The following ARMC2 variants were observed in gnomAD, a reference collection of about 807,000 sequenced individuals.
ARMC2 encodes the protein armadillo repeat containing 2.
A neutral mutation model predicts 90.3 loss-of-function variants in ARMC2; 67 were observed. The observed-to-expected ratio is 0.74, with a 90% confidence interval of 0.61 to 0.91. The LOEUF is 0.91. Ranked by LOEUF, ARMC2 falls within the 40% of genes least tolerant of loss-of-function variation. The probability of loss-of-function intolerance (pLI) is 0.00; values close to 1 mark genes in which losing one functional copy is unlikely to be tolerated. For missense variants in ARMC2, 920 were observed against 1,030.9 expected, an observed-to-expected ratio of 0.89 and a Z score of 1.47; for synonymous variants, 393 against 393.0, an observed-to-expected ratio of 1.00 and a Z score of 0.00.
chr6:108,861,435 C>T (rs1446959449), intron 3 of ARMC2, among the ~76,000 whole-genome samples: 1 of 152,162 alleles, frequency 6.6e-6, no homozygotes. Context: ...AACCATGATA[C>T]CATCATCATA....
chr6:109,007,784 A>AC, the ARMC2 span, among the ~76,000 whole-genome samples: 1 of 129,816 alleles, frequency 7.7e-6, no homozygotes, highest in African/African-American at 3.2e-5. Context: ...AAGTCCAGGT[A>AC]CTTTTTTTTT....
intron 8 of ARMC2, among the ~76,000 whole-genome samples, 153 bp from the exon 9 acceptor site, chr6:108,910,746 A>G (rs1773338181): frequency 6.6e-6 from 1 of 151,338 alleles, no homozygotes; most frequent in Non-Finnish European, 1.5e-5. Context: ...ATTGGCAAAT[A>G]TGTGGTCTAA....
At chr6:108,984,453 C>T in the ARMC2 span, among the ~76,000 whole-genome samples, 1 of 152,138 alleles carries the variant, frequency 6.6e-6, no homozygotes, top group Admixed American at 6.5e-5. Context: ...GGGAGCTCCC[C>T]AGACCTCTAT....
intron 12 of ARMC2, among the ~76,000 whole-genome samples, chr6:108,947,953 T>C (rs1776921958): frequency 6.6e-6 from 1 of 152,166 alleles, no homozygotes; most frequent in Non-Finnish European, 1.5e-5. Flanking sequence ...GGAGTGTTAA[T>C]TTATAGATGA....
chr6:108,854,408 A>G lies in ARMC2; in HGVS notation c.141A>G (p.Thr47=). The change falls in exon 2 of 18, where the codon ACA becomes ACG. Residue 47 remains threonine (T), a synonymous_variant. Transcript: ENST00000392644. ...CAGTTAGAACCCAAAGACCATTTAC[A>G]CCACAGGAGGCTCAAAGAAAACTAT... ...LRTVRTQRPF[T]PQEAQRKLFG... The G allele has an allele frequency of 6.2e-7, 1 of 1,613,504 alleles. No homozygotes were observed. Among genetic ancestry groups the G allele is most frequent in the Non-Finnish European group, 8.5e-7 (1 of 1,179,796 alleles).
intron 5 of ARMC2, among the ~76,000 whole-genome samples, chr6:108,891,990 T>G (rs1771087193): frequency 6.6e-6 from 1 of 152,232 alleles, no homozygotes; most frequent in Admixed American, 6.5e-5. Flanking sequence ...GACACTTCAT[T>G]TTTTCCCCTA....
chr6:109,011,897 G>T, the ARMC2 span, among the ~76,000 whole-genome samples: 3 of 152,212 alleles, frequency 2.0e-5, no homozygotes, highest in African/African-American at 7.2e-5. Flanking sequence ...CCAAAGTGCT[G>T]GGATTACAGG....
intron 5 of ARMC2, among the ~76,000 whole-genome samples, chr6:108,882,418 G>A (rs545784679): frequency 8.2e-4 from 120 of 146,008 alleles, no homozygotes; most frequent in African/African-American, 2.8e-3. Context: ...CAGCCTAGGC[G>A]ATGGAGTGAG....
intron 12 of ARMC2, among the ~76,000 whole-genome samples, chr6:108,952,504 C>T (rs1489632191): frequency 2.7e-5 from 4 of 148,674 alleles, no homozygotes; most frequent in Non-Finnish European, 6.0e-5. Context: ...GAGGTGTTGT[C>T]ATCTAGTGCG....
In ARMC2 at chr6:108,936,916, C is replaced by T. The variant is rs146589794; in HGVS notation, c.1513C>T (p.Arg505Cys). The change falls in exon 12 of 18, where the codon CGT (arginine) becomes TGT (cysteine). Residue 505 changes from arginine to cysteine, a missense_variant. By Grantham distance (180) the Arg-to-Cys change is radical. Coordinates refer to ENST00000392644, the MANE Select transcript of ARMC2 (RefSeq NM_032131.6). ...ARIFSKLTSY[R>C]DCCTALASYS... is the part of the protein sequence containing the mutation. The stretch of plus-strand genomic sequence containing the variant: ...TTTCTGCAGCAAACTTACTTCTTAC[C>T]GTGACTGCTGCACAGCCTTGGCCAG... 32 of 1,598,818 alleles carry T rather than the reference C, an allele frequency of 2.0e-5. No homozygotes were observed. The highest frequency in any genetic ancestry group is 1.1e-4 in the East Asian group (5 of 44,638).
At chr6:108,862,862 G>A (rs908589285) in intron 3 of ARMC2, among the ~76,000 whole-genome samples, 1 of 152,186 alleles carries the variant, frequency 6.6e-6, no homozygotes, top group African/African-American at 2.4e-5. Context: ...CAGGGAACAG[G>A]GACTCAGACA....
At chr6:108,994,435 T>C in the ARMC2 span, 4 of 1,562,916 alleles carry the variant, frequency 2.6e-6, no homozygotes, top group Non-Finnish European at 3.5e-6. Context: ...GCAATAATTA[T>C]ATTGACTATA....
intron 10 of ARMC2, 80 bp downstream of exon 10, chr6:108,912,638 G>A (rs1464466063): frequency 7.7e-6 from 10 of 1,306,342 alleles, no homozygotes; most frequent in Middle Eastern, 2.6e-4. Context: ...AGAATGGCAT[G>A]CAAGAGGCCC....
intron 11 of ARMC2, among the ~76,000 whole-genome samples, chr6:108,933,913 G>A (rs1775772942): frequency 6.6e-6 from 1 of 152,322 alleles, no homozygotes; most frequent in Admixed American, 6.5e-5. Flanking sequence ...CCAGGCTGGA[G>A]TGCAGTGGCG....
In ARMC2 at chr6:108,964,327, G is replaced by A. The variant is rs371154266; in HGVS notation, c.2285+15G>A. 52 of 1,611,664 alleles carry A rather than the reference G, an allele frequency of 3.2e-5. No individual in the cohort carries two copies. Among genetic ancestry groups the A allele is most frequent in the South Asian group, 1.4e-4 (13 of 90,722 alleles). On this transcript the variant is annotated intron_variant, in intron 16 of 17. Transcript: ENST00000392644. ...GGCATTAAAAAGTAAGTTTCAGGGC[G>A]TAGAGTACTGACTCTCTCAGGATTT...
chr6:108,920,341 C>T (rs866548265), intron 10 of ARMC2, among the ~76,000 whole-genome samples: 2 of 152,068 alleles, frequency 1.3e-5, no homozygotes, highest in South Asian at 2.1e-4. Flanking sequence ...AGGCACGTGC[C>T]GCCACTTTTT....
chr6:108,866,697 CCTT>C (rs1251908994), intron 3 of ARMC2, among the ~76,000 whole-genome samples: 2 of 152,076 alleles, frequency 1.3e-5, no homozygotes, highest in Non-Finnish European at 2.9e-5. Context: ...GTGAGTGGGT[CCTT>C]CTCCAGGTCT....
At chr6:108,994,141 A>G in the ARMC2 span, among the ~76,000 whole-genome samples, 3 of 123,384 alleles carry the variant, frequency 2.4e-5, no homozygotes, top group South Asian at 8.3e-4. Context: ...CCTGTTTCTT[A>G]AAAAAAAAAA....
chr6:108,856,638 C>T (rs1164530025), intron 2 of ARMC2: 1 of 179,514 alleles, frequency 5.6e-6, no homozygotes, highest in Non-Finnish European at 1.2e-5. Context: ...TCGCAAATTC[C>T]TTGTGCTAGG....
Sources: gnomAD v4.1 joint callset for allele counts (sites outside exome capture counted in the v4.1 genomes callset) on GRCh38, gnomAD v4.1.1 for gene constraint, MANE v1.5 for transcripts, NCBI Gene and HGNC (gene_info 2026-07-23, HGNC 2026-07-21) for gene names.